The following PCNX2 variants were observed in gnomAD, a reference collection of about 807,000 sequenced individuals.
PCNX2 encodes pecanex-like protein 2.
A neutral mutation model predicts 223.8 loss-of-function variants in PCNX2; 168 were observed. The ratio of observed to expected loss-of-function variants is 0.75; its 90% CI spans 0.66 to 0.85. PCNX2 has a LOEUF of 0.85. Among genes scored for constraint, PCNX2 ranks in the 40% least tolerant of loss-of-function variants. The pLI is 0.00. For synonymous variants in PCNX2, 1,006 were observed against 1,052.6 expected (o/e 0.96, Z 0.86); for missense variants, 2,507 against 2,675.5 (o/e 0.94, Z 1.39).
At chr1:233,016,779 T>C in intron 27 of PCNX2, 142 bp downstream of exon 27, 1 of 1,422,660 alleles carries the variant, frequency 7.0e-7, no homozygotes, top group East Asian at 2.5e-5. Flanking sequence ...TTACCTTCAA[T>C]AAACATCTGT....
chr1:233,279,799 TTTGCCTTTATG>T (rs1661096112), intron 1 of PCNX2, among the ~76,000 whole-genome samples: 1 of 152,168 alleles, frequency 6.6e-6, no homozygotes, highest in Non-Finnish European at 1.5e-5. Context: ...TTGTGGCTCT[TTTGCCTTTATG>T]TTGTATCAGG....
At chr1:233,016,206 G>T (rs1417198877) in intron 27 of PCNX2, among the ~76,000 whole-genome samples, 2 of 152,262 alleles carry the variant, frequency 1.3e-5, no homozygotes, top group East Asian at 1.9e-4. Flanking sequence ...CTAGTGTCGT[G>T]GTTTGGTTTA....
chr1:233,070,628 T>C (rs1672811648), intron 23 of PCNX2, among the ~76,000 whole-genome samples: 1 of 151,368 alleles, frequency 6.6e-6, no homozygotes, highest in Non-Finnish European at 1.5e-5. Flanking sequence ...TGCATGTAGA[T>C]AAACACAGAA....
chr1:233,114,360 G>A (rs1282723430), intron 21 of PCNX2, among the ~76,000 whole-genome samples: 2 of 152,186 alleles, frequency 1.3e-5, no homozygotes, highest in Admixed American at 6.5e-5. Context: ...GCATAGTGGA[G>A]GAACTGCAAG....
intron 19 of PCNX2, among the ~76,000 whole-genome samples, chr1:233,152,117 C>A: frequency 6.6e-6 from 1 of 152,072 alleles, no homozygotes; most frequent in East Asian, 1.9e-4. Flanking sequence ...TATGAGAGTG[C>A]CTGGCAGGGA....
intron 21 of PCNX2, among the ~76,000 whole-genome samples, chr1:233,104,503 C>T (rs1324435086): frequency 6.6e-6 from 1 of 151,918 alleles, no homozygotes; most frequent in East Asian, 1.9e-4. Flanking sequence ...GCCATGTAGT[C>T]TCAAAAATAT....
chr1:233,139,759 G>C lies in PCNX2; in HGVS notation c.3614C>G (p.Thr1205Ser). ...ATTGCTTATTAAAAATGCATCAATA[G>C]TGAGGGCATTCAAAATTAGCGCTGG... ...LYPALILNALTIDAFLISNHR... is the reference protein window; with the variant it reads ...LYPALILNALSIDAFLISNHR... The change falls in exon 20 of 34, where the codon ACT becomes AGT. Residue 1205 changes from threonine to serine, a missense_variant. Transcript: ENST00000258229. This position sits in a 1 kb window ranked among gnomAD's most constrained non-coding sequence, Gnocchi z 4.4. 1 of 1,610,882 alleles carries C rather than the reference G, an allele frequency of 6.2e-7. No individual in the cohort carries two copies. The highest frequency in any genetic ancestry group is 8.5e-7 in the Non-Finnish European group (1 of 1,178,394).
intron 1 of PCNX2, among the ~76,000 whole-genome samples, chr1:233,264,023 G>C (rs1312477605): frequency 1.3e-5 from 2 of 152,132 alleles, no homozygotes; most frequent in African/African-American, 2.4e-5. Context: ...CTTCCAAAAG[G>C]AAGAGGGATA....
At chr1:233,049,083 A>T (rs1371418610) in intron 25 of PCNX2, among the ~76,000 whole-genome samples, 1 of 152,180 alleles carries the variant, frequency 6.6e-6, no homozygotes, top group Non-Finnish European at 1.5e-5. Flanking sequence ...TACCAATTCT[A>T]CTGAAACTAT....
intron 17 of PCNX2, among the ~76,000 whole-genome samples, chr1:233,173,337 T>C (rs1679273044): frequency 6.6e-6 from 1 of 152,196 alleles, no homozygotes; most frequent in Non-Finnish European, 1.5e-5. Context: ...TGGCTAATTT[T>C]GTATTTTTAG....
At chr1:233,167,729 G>C in intron 17 of PCNX2, 1 of 983,670 alleles carries the variant, frequency 1.0e-6, no homozygotes, top group Non-Finnish European at 1.2e-6. Flanking sequence ...TCTTTAAAAG[G>C]AATCTTGTAA....
the PCNX2 span, among the ~76,000 whole-genome samples, chr1:233,324,392 A>C: frequency 1.3e-5 from 2 of 152,210 alleles, no homozygotes; most frequent in African/African-American, 4.8e-5. Context: ...AACTAGAGAG[A>C]AGTCCAGACC....
intron 21 of PCNX2, among the ~76,000 whole-genome samples, chr1:233,115,214 T>G (rs1398780291): frequency 2.0e-5 from 3 of 151,760 alleles, no homozygotes; most frequent in Admixed American, 1.3e-4. Context: ...TTGGAAACAT[T>G]TGTGAAGGTT....
chr1:233,103,272 T>C (rs183494344), intron 21 of PCNX2, among the ~76,000 whole-genome samples: 58 of 152,312 alleles, frequency 3.8e-4, no homozygotes, highest in Middle Eastern at 3.4e-3. Context: ...ATCCTTTGTG[T>C]TATAAATAAT....
chr1:233,243,617 T>C (rs11810439), intron 8 of PCNX2, among the ~76,000 whole-genome samples: 18,577 of 152,110 alleles, frequency 0.12, 3,174 homozygotes, highest in African/African-American at 0.39. Flanking sequence ...AAGGCTTCCA[T>C]CTGGCCAAAA....
chr1:233,018,997 A>ACCCTCCCTCTCTGGCTCTT lies in PCNX2; in HGVS notation c.4606-1862_4606-1844dup, dbSNP rs1460434789. ...GAAACCCTTTTCTAGGGGGGCCCCC[A>ACCCTCCCTCTCTGGCTCTT]CCCTCCCTCTCTGGCTCTTCCCTCC... On this transcript the variant is annotated intron_variant, in intron 26 of 33. Transcript: ENST00000258229. 4 of 985,062 alleles carry ACCCTCCCTCTCTGGCTCTT rather than the reference A, an allele frequency of 4.1e-6. No individual in the cohort carries two copies. The African/African-American group carries it at 7.0e-5, about 17-fold the overall frequency. 61.0% of individuals were successfully genotyped at this position (985,062 alleles called of 1,614,324 possible).
chr1:233,237,336 G>A (rs1160227326), intron 8 of PCNX2, among the ~76,000 whole-genome samples: 2 of 152,116 alleles, frequency 1.3e-5, no homozygotes, highest in Non-Finnish European at 2.9e-5. Flanking sequence ...AAAACAAATA[G>A]TGGGCTTGAT....
At chr1:233,218,912 C>G (rs976200857) in intron 10 of PCNX2, among the ~76,000 whole-genome samples, 2 of 152,110 alleles carry the variant, frequency 1.3e-5, no homozygotes, top group Non-Finnish European at 2.9e-5. Flanking sequence ...ACAATCATTT[C>G]CAGATAAAAC....
intron 21 of PCNX2, among the ~76,000 whole-genome samples, chr1:233,116,375 TACAC>T (rs1373562172): frequency 6.6e-6 from 1 of 151,608 alleles, no homozygotes; most frequent in Non-Finnish European, 1.5e-5. Context: ...TATTCTAGGC[TACAC>T]ACACACAAAC....
Sources: gnomAD v4.1 joint callset for allele counts (sites outside exome capture counted in the v4.1 genomes callset) on GRCh38, gnomAD v4.1.1 for gene constraint, Gnocchi (gnomAD v3.1) non-coding constraint, MANE v1.5 for transcripts, NCBI Gene and HGNC (gene_info 2026-07-23, HGNC 2026-07-21) for gene names.